The following HNRNPLL variants were observed in gnomAD, a reference collection of about 807,000 sequenced individuals.
HNRNPLL encodes heterogeneous nuclear ribonucleoprotein L like, also known as heterogeneous nuclear ribonucleoprotein L-like.
A neutral mutation model predicts 67.1 loss-of-function variants in HNRNPLL; 25 were observed. The ratio of observed to expected loss-of-function variants is 0.37; its 90% CI spans 0.27 to 0.52. HNRNPLL has a LOEUF of 0.52. HNRNPLL is among the 20% of genes least tolerant of loss of function. The pLI is 0.90. For missense variants in HNRNPLL, 542 were observed against 673.9 expected (o/e 0.80, Z 2.17); for synonymous variants, 267 against 241.7 (o/e 1.10, Z -0.97).
rs1048033036 is a variant in HNRNPLL, at chr2:38,581,880, T to A, written c.802+33A>T. On this transcript the variant is annotated intron_variant, in intron 6 of 12. Transcript: ENST00000449105. ...CTGCATATAAAAATTTGTCAGCAGATCAAGTACATTCTAAAATGTATAAAA... is the reference window on the plus strand; with the variant it reads ...CTGCATATAAAAATTTGTCAGCAGAACAAGTACATTCTAAAATGTATAAAA... 2.1e-6 allele frequency: 3 copies of A among 1,424,212 alleles called. No individual in the cohort carries two copies. The African/African-American group carries it at 4.2e-5, about 20-fold the overall frequency. The allele number at this position is 1,424,212 out of a possible 1,614,324, so 88.2% of individuals were successfully genotyped here. A position where few individuals can be genotyped will look rare whatever the true frequency, so the allele number is the denominator to read the frequency against.
intron 12 of HNRNPLL, among the ~76,000 whole-genome samples, chr2:38,567,471 A>G (rs1452275473): frequency 6.6e-6 from 1 of 152,206 alleles, no homozygotes; most frequent in African/African-American, 2.4e-5. Flanking sequence ...AAAAAGAACA[A>G]GACAAAAGGT....
intron 12 of HNRNPLL, chr2:38,565,913 G>A (rs891990866): frequency 1.8e-6 from 1 of 556,702 alleles, no homozygotes; most frequent in African/African-American, 2.1e-5. Context: ...AGTTTTGAAA[G>A]CTAGAATATT....
chr2:38,568,067 A>AT (rs1445110857), intron 12 of HNRNPLL, 132 bp downstream of exon 12: 18 of 607,102 alleles, frequency 3.0e-5, no homozygotes, highest in Non-Finnish European at 4.9e-5. Flanking sequence ...AGGAATTAAT[A>AT]TGCCTTTCTT....
chr2:38,595,294 AAAAG>A (rs1460062379), intron 1 of HNRNPLL, among the ~76,000 whole-genome samples: 2 of 146,610 alleles, frequency 1.4e-5, no homozygotes, highest in African/African-American at 2.5e-5. Context: ...AAAAAAAAAA[AAAAG>A]AAAAGAAAAA....
chr2:38,580,411 T>C (rs1269133092), intron 6 of HNRNPLL, among the ~76,000 whole-genome samples: 4 of 152,202 alleles, frequency 2.6e-5, no homozygotes, highest in Non-Finnish European at 5.9e-5. Context: ...GAATTGAGAG[T>C]TAAAGGAGCC....
intron 1 of HNRNPLL, among the ~76,000 whole-genome samples, chr2:38,598,458 G>A (rs368017961): frequency 2.6e-5 from 4 of 152,084 alleles, no homozygotes; most frequent in Non-Finnish European, 4.4e-5. Flanking sequence ...CTTCTACCCC[G>A]CTCCCTTTTT....
At position 38,588,479 on chromosome 2, in the gene HNRNPLL, G is replaced by A. The variant is rs531661474; in HGVS notation, c.309-2598C>T. Among the ~76,000 whole-genome samples, 12 of 145,902 alleles carry A rather than the reference G, an allele frequency of 8.2e-5. No individual in the cohort carries two copies. In the East Asian group the frequency reaches 2.4e-3, roughly 29 times the overall value. ...CAGGAGAATCGCTTGAACTTGGAGG[G>A]CAGAGGTTGCAGTGAGCCAAGATCG... On this transcript the variant is annotated intron_variant, in intron 2 of 12. Coordinates refer to ENST00000449105, the MANE Select transcript of HNRNPLL (RefSeq NM_138394.4).
intron 1 of HNRNPLL, among the ~76,000 whole-genome samples, chr2:38,595,292 A>G (rs533045608): frequency 0.032 from 4,679 of 147,404 alleles, 302 homozygotes; most frequent in African/African-American, 0.11. Flanking sequence ...AAAAAAAAAA[A>G]AAAAAGAAAA....
At chr2:38,572,928 A>G (rs1343104311) in intron 8 of HNRNPLL, among the ~76,000 whole-genome samples, 1 of 152,086 alleles carries the variant, frequency 6.6e-6, no homozygotes, top group African/African-American at 2.4e-5. Context: ...ACCAAAATAT[A>G]GACTTCAGGC....
chr2:38,596,378 C>T (rs938117717), intron 1 of HNRNPLL, among the ~76,000 whole-genome samples: 7 of 151,870 alleles, frequency 4.6e-5, no homozygotes, highest in African/African-American at 1.5e-4. Context: ...CCTGCCTCAG[C>T]CTCCCGACTA....
At chr2:38,594,457 A>G (rs557696916) in intron 1 of HNRNPLL, among the ~76,000 whole-genome samples, 1 of 152,272 alleles carries the variant, frequency 6.6e-6, no homozygotes, top group African/African-American at 2.4e-5. Flanking sequence ...AGTTTAGGGG[A>G]AAATAGTATA....
At chr2:38,590,082 A>ATTATAT (rs1666899474) in intron 2 of HNRNPLL, among the ~76,000 whole-genome samples, 2 of 152,358 alleles carry the variant, frequency 1.3e-5, no homozygotes, top group South Asian at 4.1e-4. Flanking sequence ...GATATAATCA[A>ATTATAT]CTTAGTGATA....
chr2:38,573,564 A>G, intron 7 of HNRNPLL, 137 bp from the exon 8 acceptor site: 1 of 625,374 alleles, frequency 1.6e-6, no homozygotes, highest in Non-Finnish European at 2.8e-6. Context: ...AGAAAACTCA[A>G]ATGTATGAAT....
intron 8 of HNRNPLL, among the ~76,000 whole-genome samples, chr2:38,572,159 C>T (rs1258829567): frequency 6.6e-6 from 1 of 152,078 alleles, no homozygotes; most frequent in Non-Finnish European, 1.5e-5. Flanking sequence ...GTATTCTTGC[C>T]CAGTTACACA....
chr2:38,564,613 C>CAAAA lies in HNRNPLL; in HGVS notation c.1574-380_1574-377dup, dbSNP rs70954732. Reference sequence around the variant, plus strand: ...TGGGTGACAGAGTGAGACTCCGTCTCAAAAAAAAAAAAAAAAAAAAAAAAG... The same window carrying CAAAA: ...TGGGTGACAGAGTGAGACTCCGTCTCAAAAAAAAAAAAAAAAAAAAAAAAAAAAG... On this transcript the variant is annotated intron_variant, in intron 12 of 12. Transcript: ENST00000449105. Among the ~76,000 whole-genome samples, 26 of 36,980 alleles carry CAAAA rather than the reference C, an allele frequency of 7.0e-4. 1 individual carries two copies. In the East Asian group the frequency reaches 0.013, roughly 18 times the overall value. 24.3% of individuals were successfully genotyped at this position (36,980 alleles called of 152,430 possible).
chr2:38,594,454 G>A (rs919965862), intron 1 of HNRNPLL, among the ~76,000 whole-genome samples: 1 of 151,882 alleles, frequency 6.6e-6, no homozygotes, highest in East Asian at 1.9e-4. Flanking sequence ...AATAGTTTAG[G>A]GGAAAATAGT....
intron 7 of HNRNPLL, among the ~76,000 whole-genome samples, chr2:38,575,447 C>T (rs1190180469): frequency 1.3e-5 from 2 of 151,766 alleles, no homozygotes; most frequent in African/African-American, 2.4e-5. Flanking sequence ...CAAATTAATA[C>T]ACAAACTCTT....
At chr2:38,591,012 AAAAAGAACTCAGCAATATGCACATGAAC>A (rs1471888790) in intron 2 of HNRNPLL, among the ~76,000 whole-genome samples, 1 of 152,194 alleles carries the variant, frequency 6.6e-6, no homozygotes, top group Non-Finnish European at 1.5e-5. Context: ...CTCAAAAAAT[AAAAAGAACTCAGCAATATGCACATGAAC>A]AAAAGAACTC....
chr2:38,584,532 AAAATT>A (rs1319326141), intron 3 of HNRNPLL, among the ~76,000 whole-genome samples: 1 of 152,214 alleles, frequency 6.6e-6, no homozygotes, highest in Non-Finnish European at 1.5e-5. Flanking sequence ...CTGATGATAT[AAAATT>A]AATAAACCAA....
Sources: allele counts gnomAD v4.1 joint callset (sites outside exome capture counted in the v4.1 genomes callset), GRCh38; gene constraint gnomAD v4.1.1; transcripts MANE v1.5; gene names NCBI Gene and HGNC (gene_info 2026-07-23, HGNC 2026-07-21).